Variants in ABCA6 observed in about 807,000 individuals in gnomAD.
The protein encoded by ABCA6 is ATP-binding cassette sub-family A member 6.
A neutral mutation model predicts 191.2 loss-of-function variants in ABCA6; 164 were observed. The ratio of observed to expected loss-of-function variants is 0.86; its 90% CI spans 0.76 to 0.98. ABCA6 has a LOEUF of 0.98. ABCA6 is among the 50% of genes least tolerant of loss of function. ABCA6 has a pLI of 0.00. For synonymous variants in ABCA6, 636 were observed against 647.7 expected, an observed-to-expected ratio of 0.98 and a Z score of 0.27; for missense variants, 1,958 against 1,894.1, an observed-to-expected ratio of 1.03 and a Z score of -0.63.
At chr17:69,091,487 C>T (rs2072921395) in intron 25 of ABCA6, among the ~76,000 whole-genome samples, 2 of 151,820 alleles carry the variant, frequency 1.3e-5, no homozygotes, top group African/African-American at 2.4e-5. Context: ...TAAAGACTGG[C>T]GACTAAGGTG....
At chr17:69,123,480 A>G in intron 9 of ABCA6, 73 bp from the exon 10 acceptor site, 2 of 1,061,776 alleles carry the variant, frequency 1.9e-6, no homozygotes, top group Non-Finnish European at 2.5e-6. Flanking sequence ...TGCTAACAAC[A>G]ATGCAGAATG....
At chr17:69,126,970 C>T (rs951879391) in intron 8 of ABCA6, among the ~76,000 whole-genome samples, 1 of 152,100 alleles carries the variant, frequency 6.6e-6, no homozygotes, top group African/African-American at 2.4e-5. Context: ...GACAATGAGG[C>T]CACAGTGCAA....
chr17:69,089,367 A>G (rs12602396), intron 27 of ABCA6, 98 bp downstream of exon 27: 18,940 of 1,159,528 alleles, frequency 0.016, 996 homozygotes, highest in Admixed American at 0.13. Flanking sequence ...ATCATATAAA[A>G]ACACTTTCAA....
At chr17:69,126,571 C>T (rs907923236) in intron 8 of ABCA6, among the ~76,000 whole-genome samples, 3 of 151,782 alleles carry the variant, frequency 2.0e-5, no homozygotes, top group African/African-American at 7.3e-5. Context: ...TCACTTAAGC[C>T]CAGGAGGTTG....
intron 4 of ABCA6, chr17:69,135,431 G>A (rs2073932804): frequency 6.6e-6 from 1 of 152,332 alleles, no homozygotes; most frequent in Admixed American, 6.6e-5. Context: ...TTACACTTTT[G>A]CCGTGATTAA....
intron 26 of ABCA6, among the ~76,000 whole-genome samples, chr17:69,089,758 T>C (rs530546127): frequency 5.6e-4 from 86 of 152,352 alleles, no homozygotes; most frequent in Non-Finnish European, 1.0e-3. Context: ...TCTGTTCCTC[T>C]CTTCAATTCT....
intron 36 of ABCA6, among the ~76,000 whole-genome samples, chr17:69,081,707 C>T (rs1271846915): frequency 3.3e-5 from 5 of 152,130 alleles, no homozygotes; most frequent in Non-Finnish European, 7.3e-5. Context: ...AAGGCTTTTT[C>T]TAGGCCCTAG....
At chr17:69,089,439 G>A (rs2072877245) in intron 27 of ABCA6, 26 bp downstream of exon 27, 3 of 1,600,946 alleles carry the variant, frequency 1.9e-6, no homozygotes, top group East Asian at 4.5e-5. Flanking sequence ...AAAAGAATGT[G>A]TGCTGAGGTG....
At chr17:69,112,352 G>T in intron 15 of ABCA6, 79 bp from the exon 16 acceptor site, 2 of 1,119,474 alleles carry the variant, frequency 1.8e-6, no homozygotes, top group Non-Finnish European at 2.7e-6. Context: ...GAGGAGCCAA[G>T]GCTCAGAAGT....
chr17:69,141,231 G>C (rs1447182588), intron 1 of ABCA6, among the ~76,000 whole-genome samples: 3 of 151,920 alleles, frequency 2.0e-5, no homozygotes, highest in Non-Finnish European at 2.9e-5. Context: ...TTTACCTTCA[G>C]ATTGAATCAA....
At chr17:69,081,650 G>A (rs560487779) in intron 36 of ABCA6, among the ~76,000 whole-genome samples, 1 of 152,188 alleles carries the variant, frequency 6.6e-6, no homozygotes, top group Non-Finnish European at 1.5e-5. Flanking sequence ...CTTGGAGATG[G>A]AGGTTGATAT....
chr17:69,087,629 A>C, intron 28 of ABCA6, 156 bp from the exon 29 acceptor site: 1 of 949,322 alleles, frequency 1.1e-6, no homozygotes, highest in East Asian at 2.5e-5. Flanking sequence ...TTTGCCAAGA[A>C]CTCCTGTCCC....
intron 25 of ABCA6, among the ~76,000 whole-genome samples, 166 bp from the exon 26 acceptor site, chr17:69,091,428 A>G (rs1188903809): frequency 6.6e-6 from 1 of 152,232 alleles, no homozygotes; most frequent in Non-Finnish European, 1.5e-5. Context: ...ATAGGGAAGA[A>G]GCTTTTGTTA....
chr17:69,136,658 T>G (rs1460992504), intron 3 of ABCA6, among the ~76,000 whole-genome samples: 3 of 152,208 alleles, frequency 2.0e-5, no homozygotes, highest in African/African-American at 7.2e-5. Context: ...AAACAAGATT[T>G]TTTAAAAGTG....
At chr17:69,133,578 A>G in intron 6 of ABCA6, 63 bp downstream of exon 6, 1 of 1,234,024 alleles carries the variant, frequency 8.1e-7, no homozygotes, top group Non-Finnish European at 1.1e-6. Flanking sequence ...AAACAATAAC[A>G]CTTTTTCACT....
chr17:69,086,883 T>C (rs1405862965), intron 29 of ABCA6, 148 bp from the exon 30 acceptor site: 2 of 565,302 alleles, frequency 3.5e-6, no homozygotes, highest in Non-Finnish European at 6.2e-6. Flanking sequence ...TTCATTAATG[T>C]AGAAAATATT....
At chr17:69,084,947 G>C (rs2144610646) in intron 32 of ABCA6, 81 bp downstream of exon 32, 1 of 1,473,774 alleles carries the variant, frequency 6.8e-7, no homozygotes, top group Non-Finnish European at 9.0e-7. Flanking sequence ...ATTGACTCTC[G>C]GTTCTTTATT....
rs1316455941 is a variant in ABCA6, at chr17:69,128,695, T to C, written c.1043A>G (p.Tyr348Cys). ...FWGCLGFTVF[Y>C]EQLPSSLEWI... ...CTCCAGAGATGAAGGAAGTTGTTCA[T>C]AAAATACAGTGAATCCCAGACATCC... Residue 348 changes from tyrosine (Y) to cysteine (C), a missense_variant, in exon 8 of 39, where the codon TAT becomes TGT. Transcript: ENST00000284425. The C allele has an allele frequency of 6.2e-7, 1 of 1,613,260 alleles. No individual in the cohort carries two copies. Among genetic ancestry groups the C allele is most frequent in the African/African-American group, 1.3e-5 (1 of 74,838 alleles).
chr17:69,097,844 A>G, intron 23 of ABCA6, 76 bp downstream of exon 23: 1 of 982,734 alleles, frequency 1.0e-6, no homozygotes, highest in African/African-American at 1.7e-5. Context: ...TCAGAAGAAA[A>G]CATTTTGAAC....
Sources: allele counts gnomAD v4.1 joint callset (sites outside exome capture counted in the v4.1 genomes callset), GRCh38; gene constraint gnomAD v4.1.1; transcripts MANE v1.5; gene names NCBI Gene and HGNC (gene_info 2026-07-23, HGNC 2026-07-21).